CLEC16A: variants seen among roughly 807,000 people sequenced by gnomAD.
CLEC16A encodes the protein protein CLEC16A.
CLEC16A carries 51 observed loss-of-function variants against 109.5 expected under a neutral mutation model. The observed-to-expected ratio is 0.47, with a 90% confidence interval of 0.37 to 0.59. CLEC16A has a LOEUF of 0.59. CLEC16A is among the 20% of genes least tolerant of loss of function. The probability of loss-of-function intolerance (pLI) is 0.00; values close to 1 mark genes in which losing one functional copy is unlikely to be tolerated. For synonymous variants in CLEC16A, 673 were observed against 564.2 expected (o/e 1.19, Z -2.73); for missense variants, 1,339 against 1,394.0 (o/e 0.96, Z 0.63).
chr16:10,969,050 G>T, intron 3 of CLEC16A, 111 bp from the exon 4 acceptor site: 2 of 840,548 alleles, frequency 2.4e-6, no homozygotes, highest in Non-Finnish European at 3.6e-6. Flanking sequence ...TTTAATCCCA[G>T]CAACCCAGAG....
intron 23 of CLEC16A, among the ~76,000 whole-genome samples, chr16:11,175,542 T>G (rs76391629): frequency 0.019 from 2,897 of 152,312 alleles, 41 homozygotes; most frequent in Middle Eastern, 0.034. Context: ...CTGGCAGAGT[T>G]CTCCTTTTTC....
At chr16:10,972,594 A>T in intron 6 of CLEC16A, 35 bp downstream of exon 6, 1 of 1,572,068 alleles carries the variant, frequency 6.4e-7, no homozygotes, top group Non-Finnish European at 8.7e-7. Context: ...TGCTTTCTTA[A>T]TCTACCCTTA....
chr16:11,120,205 A>G (rs188592928), intron 19 of CLEC16A, among the ~76,000 whole-genome samples: 264 of 152,336 alleles, frequency 1.7e-3, no homozygotes, highest in Middle Eastern at 3.4e-3. Flanking sequence ...TCTTCACCCC[A>G]GGTGATCCAC....
At chr16:11,145,923 G>A (rs78069977) in intron 22 of CLEC16A, among the ~76,000 whole-genome samples, 1,638 of 152,264 alleles carry the variant, frequency 0.011, 12 homozygotes, top group Non-Finnish European at 0.018. Context: ...TACACAGTTT[G>A]GTCCCTCTGC....
chr16:10,977,171 C>T (rs2146540702), intron 7 of CLEC16A, 54 bp from the exon 8 acceptor site: 1 of 1,543,398 alleles, frequency 6.5e-7, no homozygotes, highest in Non-Finnish European at 8.8e-7. Context: ...TGATGTTAGG[C>T]TCAAAGGCTC....
At chr16:10,976,573 G>T (rs898232152) in intron 7 of CLEC16A, among the ~76,000 whole-genome samples, 1 of 152,108 alleles carries the variant, frequency 6.6e-6, no homozygotes, top group Admixed American at 6.6e-5. Flanking sequence ...TATCAGTTGG[G>T]TAATAACAAC....
intron 19 of CLEC16A, among the ~76,000 whole-genome samples, chr16:11,106,656 CT>C (rs879280396): frequency 4.7e-4 from 69 of 145,494 alleles, no homozygotes; most frequent in African/African-American, 7.3e-4. Context: ...GGCTTCTCTT[CT>C]TTTTTTTTTT....
At chr16:11,135,802 C>T (rs1420998046) in intron 22 of CLEC16A, among the ~76,000 whole-genome samples, 1 of 152,268 alleles carries the variant, frequency 6.6e-6, no homozygotes, top group African/African-American at 2.4e-5. Context: ...CAGCACAGGC[C>T]AGTGTCAGTG....
chr16:11,070,321 C>G (rs1004320998), intron 19 of CLEC16A, among the ~76,000 whole-genome samples: 1 of 151,884 alleles, frequency 6.6e-6, no homozygotes, highest in East Asian at 1.9e-4. Context: ...CCGCCCGCCT[C>G]GGCCTCCCAA....
chr16:11,029,268 C>G (rs755116507), intron 13 of CLEC16A, among the ~76,000 whole-genome samples: 2 of 152,168 alleles, frequency 1.3e-5, no homozygotes, highest in Non-Finnish European at 2.9e-5. Flanking sequence ...CACTGGCCCC[C>G]CCAGTGTGAG....
rs548757123 is a variant in CLEC16A at position 10,947,954 on chromosome 16, C to T, written c.80+3157C>T. ...TGTTGCCCAGGCTGGAGTGCAGTGG[C>T]ACGATCTTGGCTCACTGCAAGCTCC... is the stretch of plus-strand genomic sequence containing the variant. On this transcript the variant is annotated intron_variant, in intron 1 of 23. Transcript: ENST00000409790. Among the ~76,000 whole-genome samples the T allele has an allele frequency of 4.6e-5, 7 of 152,026 alleles. No homozygotes were observed. In the South Asian group the frequency reaches 6.2e-4, roughly 14 times the overall value.
intron 5 of CLEC16A, 90 bp downstream of exon 5, chr16:10,971,320 G>T (rs2042776593): frequency 1.0e-6 from 1 of 984,198 alleles, no homozygotes; most frequent in African/African-American, 1.6e-5. Flanking sequence ...TTCTCCGATT[G>T]TCACGAGGGA....
intron 21 of CLEC16A, among the ~76,000 whole-genome samples, chr16:11,124,600 C>T (rs1192412359): frequency 6.6e-6 from 1 of 152,180 alleles, no homozygotes; most frequent in South Asian, 2.1e-4. Flanking sequence ...GAGGGAGATG[C>T]GTTCATTGGG....
At chr16:10,973,193 A>T in intron 7 of CLEC16A, 132 bp downstream of exon 7, 1 of 1,026,190 alleles carries the variant, frequency 9.7e-7, no homozygotes, top group Non-Finnish European at 1.4e-6. Flanking sequence ...GGACTTCCGT[A>T]CTGTAAAAGG....
chr16:11,133,152 G>A (rs1339289035), intron 22 of CLEC16A, among the ~76,000 whole-genome samples: 4 of 151,964 alleles, frequency 2.6e-5, no homozygotes, highest in Non-Finnish European at 4.4e-5. Flanking sequence ...CAGCCTGGCC[G>A]ACATGGCGAA....
chr16:10,953,558 C>G (rs2041838473), intron 1 of CLEC16A, among the ~76,000 whole-genome samples: 2 of 152,042 alleles, frequency 1.3e-5, no homozygotes, highest in Non-Finnish European at 1.5e-5. Flanking sequence ...ATCTAAAGAC[C>G]CAGTATAAAG....
chr16:11,027,614 G>A, intron 13 of CLEC16A: 1 of 1,558,644 alleles, frequency 6.4e-7, no homozygotes, highest in Non-Finnish European at 8.7e-7. Flanking sequence ...TCCCAGGGAA[G>A]CATTTCCAGG....
chr16:10,981,012 T>G (rs1163019049), intron 9 of CLEC16A, among the ~76,000 whole-genome samples: 1 of 152,218 alleles, frequency 6.6e-6, no homozygotes, highest in Non-Finnish European at 1.5e-5. Context: ...TGTAGGCAGC[T>G]GGGCCCAGCT....
At position 10,972,578 on chromosome 16, in the gene CLEC16A, G is replaced by C. The variant is rs1567523532; in HGVS notation, c.604+19G>C. 6.2e-7 allele frequency: 1 copy of C among 1,608,314 alleles called. No homozygotes were observed. Among genetic ancestry groups the C allele is most frequent in the Non-Finnish European group, 8.5e-7 (1 of 1,175,418 alleles). Reference sequence around the variant, plus strand: ...GTGTCATGTAAGTTATTAACCTCTGGTTTTCTGCTTTCTTAATCTACCCTT... The same window carrying C: ...GTGTCATGTAAGTTATTAACCTCTGCTTTTCTGCTTTCTTAATCTACCCTT... On this transcript the variant is annotated intron_variant, in intron 6 of 23. Transcript: ENST00000409790.
Sources: allele counts gnomAD v4.1 joint callset (sites outside exome capture counted in the v4.1 genomes callset), GRCh38; gene constraint gnomAD v4.1.1; transcripts MANE v1.5; gene names NCBI Gene and HGNC (gene_info 2026-07-23, HGNC 2026-07-21).